The following SNTG1 variants were observed in gnomAD, a reference collection of about 807,000 sequenced individuals.
SNTG1 encodes gamma-1-syntrophin.
A neutral mutation model predicts 74.7 loss-of-function variants in SNTG1; 39 were observed. The ratio of observed to expected loss-of-function variants is 0.52; its 90% CI spans 0.40 to 0.68. SNTG1 has a LOEUF of 0.68. Among genes scored for constraint, SNTG1 ranks in the 30% least tolerant of loss-of-function variants. The pLI, the probability that SNTG1 is intolerant of heterozygous loss-of-function variation, is 0.00. For missense variants in SNTG1, 685 were observed against 609.5 expected (o/e 1.12, Z -1.30); for synonymous variants, 254 against 217.1 (o/e 1.17, Z -1.49).
intron 18 of SNTG1, among the ~76,000 whole-genome samples, chr8:50,791,011 G>C (rs1007517773): frequency 2.0e-5 from 3 of 151,810 alleles, no homozygotes; most frequent in Non-Finnish European, 4.4e-5. Flanking sequence ...GCTTATTTTT[G>C]TTGTTGTTGT....
chr8:50,129,438 C>G (rs987808225), intron 1 of SNTG1, among the ~76,000 whole-genome samples: 1 of 151,996 alleles, frequency 6.6e-6, no homozygotes, highest in African/African-American at 2.4e-5. Flanking sequence ...TCAGAGGACC[C>G]CAAATATAAT....
chr8:50,410,647 C>T (rs10107375), intron 4 of SNTG1, among the ~76,000 whole-genome samples: 39 of 152,138 alleles, frequency 2.6e-4, no homozygotes, highest in African/African-American at 8.4e-4. Context: ...AAGTTTGTAC[C>T]TTTTTATCAG....
At chr8:50,087,987 T>G (rs1428212165) in intron 1 of SNTG1, among the ~76,000 whole-genome samples, 11 of 135,094 alleles carry the variant, frequency 8.1e-5, no homozygotes, top group Admixed American at 7.3e-4. Flanking sequence ...TGTGTCCATG[T>G]GATCTCATTG....
At chr8:50,627,537 T>G (rs1276546651) in intron 13 of SNTG1, among the ~76,000 whole-genome samples, 1 of 152,122 alleles carries the variant, frequency 6.6e-6, no homozygotes. Context: ...TTTTTGTTCT[T>G]TATAAATTCC....
chr8:50,707,045 C>A (rs544268833), intron 16 of SNTG1, among the ~76,000 whole-genome samples: 1 of 151,902 alleles, frequency 6.6e-6, no homozygotes, highest in African/African-American at 2.4e-5. Flanking sequence ...AACATATTAA[C>A]TATACGCATG....
chr8:50,378,967 C>T (rs2092435848), intron 2 of SNTG1, among the ~76,000 whole-genome samples: 1 of 152,126 alleles, frequency 6.6e-6, no homozygotes, highest in Admixed American at 6.5e-5. Context: ...TCAGGCCCTC[C>T]CTGCCCTGAA....
At chr8:49,916,294 T>G (rs1443553478) in intron 1 of SNTG1, among the ~76,000 whole-genome samples, 1 of 152,086 alleles carries the variant, frequency 6.6e-6, no homozygotes, top group African/African-American at 2.4e-5. Flanking sequence ...GCCAGAGAAT[T>G]TATCTTTGAA....
At chr8:50,088,994 G>C (rs1823198152) in intron 1 of SNTG1, among the ~76,000 whole-genome samples, 1 of 151,630 alleles carries the variant, frequency 6.6e-6, no homozygotes, top group African/African-American at 2.4e-5. Context: ...CACACTACCT[G>C]ACTTCAAACT....
At chr8:50,038,414 C>G (rs1483693892) in intron 1 of SNTG1, among the ~76,000 whole-genome samples, 2 of 152,112 alleles carry the variant, frequency 1.3e-5, no homozygotes, top group African/African-American at 4.8e-5. Flanking sequence ...GACTGAGTGT[C>G]GTCACAAGCA....
At chr8:50,085,411 C>T (rs1413253506) in intron 1 of SNTG1, among the ~76,000 whole-genome samples, 1 of 152,148 alleles carries the variant, frequency 6.6e-6, no homozygotes, top group East Asian at 1.9e-4. Context: ...GTAGGCAGTC[C>T]TGGATAATGC....
intron 15 of SNTG1, among the ~76,000 whole-genome samples, chr8:50,683,166 A>G (rs1206691753): frequency 6.6e-6 from 1 of 152,144 alleles, no homozygotes; most frequent in Non-Finnish European, 1.5e-5. Context: ...GCAGGCTTGC[A>G]ATCCATTTTT....
chr8:50,451,021 GA>G (rs1268638628), intron 8 of SNTG1, among the ~76,000 whole-genome samples: 2 of 152,014 alleles, frequency 1.3e-5, no homozygotes, highest in Non-Finnish European at 2.9e-5. Context: ...ACCACTGGGC[GA>G]AATACATCTC....
At chr8:50,370,580 C>G (rs748399923) in intron 2 of SNTG1, among the ~76,000 whole-genome samples, 43 of 149,546 alleles carry the variant, frequency 2.9e-4, no homozygotes, top group Admixed American at 3.3e-4. Flanking sequence ...AGTCTCCTCG[C>G]CCTTTCACCC....
chr8:50,398,104 C>T (rs1021682996), intron 3 of SNTG1, among the ~76,000 whole-genome samples: 5 of 152,168 alleles, frequency 3.3e-5, no homozygotes, highest in Non-Finnish European at 5.9e-5. Context: ...ATCTAATGCA[C>T]CTGTTTATTA....
rs1052882956 is a variant in SNTG1, at chr8:50,120,627, A to G, written c.-102-51934A>G. ...TTATTACTGCCATCTTTATACTACC[A>G]TCACCTCTGTCACTACCAACCTCAC... On this transcript the variant is annotated intron_variant, in intron 1 of 18. Coordinates refer to ENST00000642720, the MANE Select transcript of SNTG1 (RefSeq NM_018967.5). Among the ~76,000 whole-genome samples the G allele has an allele frequency of 2.8e-5, 4 of 141,464 alleles. 1 individual carries two copies. The Admixed American group carries it at 2.9e-4, about 10-fold the overall frequency. 92.8% of individuals were successfully genotyped at this position (141,464 alleles called of 152,430 possible). A position where few individuals can be genotyped will look rare whatever the true frequency, so the allele number is the denominator to read the frequency against.
At chr8:50,515,166 C>T (rs59190783) in intron 9 of SNTG1, among the ~76,000 whole-genome samples, 8,458 of 151,872 alleles carry the variant, frequency 0.056, 347 homozygotes, top group South Asian at 0.18. Context: ...GAGATATTGC[C>T]GGTTTAGATC....
At chr8:50,036,915 C>A (rs1818217021) in intron 1 of SNTG1, among the ~76,000 whole-genome samples, 1 of 152,138 alleles carries the variant, frequency 6.6e-6, no homozygotes, top group South Asian at 2.1e-4. Context: ...ATATACAAGA[C>A]CTTATGTAAG....
intron 1 of SNTG1, among the ~76,000 whole-genome samples, chr8:50,135,167 AAAAG>A (rs1373047290): frequency 6.6e-6 from 1 of 152,172 alleles, no homozygotes; most frequent in East Asian, 1.9e-4. Flanking sequence ...AAAAGGCATG[AAAAG>A]TCAATTGATC....
At chr8:49,974,327 G>A (rs762331345) in intron 1 of SNTG1, among the ~76,000 whole-genome samples, 15 of 152,108 alleles carry the variant, frequency 9.9e-5, no homozygotes, top group Non-Finnish European at 1.9e-4. Flanking sequence ...ATGTTGTAGC[G>A]GGTGCCTTCA....
Sources: allele counts gnomAD v4.1 joint callset (sites outside exome capture counted in the v4.1 genomes callset), GRCh38; gene constraint gnomAD v4.1.1; transcripts MANE v1.5; gene names NCBI Gene and HGNC (gene_info 2026-07-23, HGNC 2026-07-21).